PTPRT: variants seen among roughly 807,000 people sequenced by gnomAD.
PTPRT encodes protein tyrosine phosphatase receptor type T, also known as receptor-type tyrosine-protein phosphatase T.
PTPRT carries 56 observed loss-of-function variants against 176.8 expected under a neutral mutation model. That is an observed-to-expected ratio of 0.32 (90% confidence interval 0.26 to 0.40). PTPRT has a LOEUF of 0.40. PTPRT is among the 10% of genes least tolerant of loss of function. PTPRT has a pLI of 1.00. For synonymous variants in PTPRT, 783 were observed against 739.0 expected (o/e 1.06, Z -0.96); for missense variants, 1,540 against 1,908.2 (o/e 0.81, Z 3.60).
intron 15 of PTPRT, among the ~76,000 whole-genome samples, chr20:42,210,994 T>C (rs2055610861): frequency 2.0e-5 from 3 of 152,080 alleles, no homozygotes; most frequent in African/African-American, 7.2e-5. Context: ...TAACGCCGCA[T>C]ATCTACAACT....
intron 1 of PTPRT, among the ~76,000 whole-genome samples, chr20:42,985,683 C>G (rs1390212888): frequency 1.3e-5 from 2 of 152,008 alleles, no homozygotes; most frequent in Non-Finnish European, 2.9e-5. Context: ...GTGGTAAATA[C>G]TACAGAGAAG....
At chr20:42,596,360 A>G (rs1216046689) in intron 7 of PTPRT, among the ~76,000 whole-genome samples, 1 of 152,224 alleles carries the variant, frequency 6.6e-6, no homozygotes, top group Non-Finnish European at 1.5e-5. Context: ...TAACGTATTA[A>G]TAGTTCAGGT....
intron 7 of PTPRT, among the ~76,000 whole-genome samples, chr20:42,487,978 G>A (rs2071492600): frequency 6.6e-6 from 1 of 152,164 alleles, no homozygotes; most frequent in Admixed American, 6.5e-5. Flanking sequence ...TACTATGCAT[G>A]TATTTTTAAT....
chr20:43,120,995 T>G (rs2013237715), intron 1 of PTPRT, among the ~76,000 whole-genome samples: 1 of 152,196 alleles, frequency 6.6e-6, no homozygotes, highest in South Asian at 2.1e-4. Flanking sequence ...CTCCCTTCAT[T>G]GTTCTTTCCA....
At chr20:42,750,398 T>C (rs2076753780) in intron 6 of PTPRT, among the ~76,000 whole-genome samples, 1 of 152,156 alleles carries the variant, frequency 6.6e-6, no homozygotes, top group Non-Finnish European at 1.5e-5. Context: ...CCTATTTATA[T>C]ATATTCACCT....
chr20:42,477,706 G>A (rs141653459), intron 7 of PTPRT, among the ~76,000 whole-genome samples: 115 of 152,294 alleles, frequency 7.6e-4, no homozygotes, highest in African/African-American at 2.4e-3. Flanking sequence ...AGCCCTGTCC[G>A]TATGACCTTC....
rs1325721953 is a variant in PTPRT, at chr20:42,328,686, A to G, written c.1866-12690T>C. On this transcript the variant is annotated intron_variant, in intron 11 of 30. Coordinates refer to ENST00000373187, the MANE Select transcript of PTPRT (RefSeq NM_007050.6). ...TCAAAATACCTATTTCAAATCTACA[A>G]CTAACATTATACGTAAGAGAAATTT... Among the ~76,000 whole-genome samples the G allele has an allele frequency of 3.9e-5, 6 of 152,174 alleles. No homozygotes were observed. The South Asian group carries it at 6.2e-4, about 16-fold the overall frequency.
intron 1 of PTPRT, among the ~76,000 whole-genome samples, chr20:42,917,718 C>T (rs978290250): frequency 6.6e-6 from 1 of 152,166 alleles, no homozygotes; most frequent in Non-Finnish European, 1.5e-5. Flanking sequence ...AGAGATGAGA[C>T]AGCTACTACT....
chr20:42,786,613 C>G (rs1283884965), intron 3 of PTPRT, among the ~76,000 whole-genome samples: 1 of 152,114 alleles, frequency 6.6e-6, no homozygotes, highest in Non-Finnish European at 1.5e-5. Context: ...ATGTCCTTTC[C>G]CCCCATGCCT....
Position 42,885,898 on chromosome 20 carries a change from A to G in PTPRT, c.123T>C (p.Cys41=). The G allele has an allele frequency of 6.2e-7, 1 of 1,610,646 alleles. No homozygotes were observed. The highest frequency in any genetic ancestry group is 1.3e-5 in the African/African-American group (1 of 74,908). ...TGGTCCCTAGAGCCACACTATAACC[A>G]CAGTTGCTGTAGTGCTCATCAAAGG... is the stretch of plus-strand genomic sequence containing the variant. ...GCSFDEHYSN[C]GYSVALGTNG... Residue 41 remains cysteine, a synonymous_variant, in exon 2 of 31, where the codon TGT becomes TGC. Coordinates refer to ENST00000373187, the MANE Select transcript of PTPRT (RefSeq NM_007050.6).
chr20:42,158,278 G>A (rs1366135167), intron 17 of PTPRT, among the ~76,000 whole-genome samples: 1 of 152,168 alleles, frequency 6.6e-6, no homozygotes, highest in African/African-American at 2.4e-5. Flanking sequence ...AGAAGGGCAA[G>A]AATCTTTGTT....
intron 1 of PTPRT, among the ~76,000 whole-genome samples, chr20:42,956,249 C>T (rs774309050): frequency 5.2e-4 from 79 of 152,218 alleles, no homozygotes; most frequent in Non-Finnish European, 8.1e-4. Context: ...TCCCCACTGC[C>T]GGAGGTGGGA....
intron 15 of PTPRT, among the ~76,000 whole-genome samples, chr20:42,210,297 G>T (rs1443934177): frequency 6.6e-6 from 1 of 152,150 alleles, no homozygotes; most frequent in Non-Finnish European, 1.5e-5. Flanking sequence ...GTTCTGGCCA[G>T]GGCAATGAGG....
intron 9 of PTPRT, among the ~76,000 whole-genome samples, chr20:42,445,562 A>T (rs962721365): frequency 6.6e-6 from 1 of 152,188 alleles, no homozygotes; most frequent in Non-Finnish European, 1.5e-5. Context: ...CAATGGCCTA[A>T]ATCTACAACC....
chr20:42,578,914 G>A (rs1451154057), intron 7 of PTPRT, among the ~76,000 whole-genome samples: 1 of 147,206 alleles, frequency 6.8e-6, no homozygotes, highest in Non-Finnish European at 1.5e-5. Flanking sequence ...GGGGGGGGTC[G>A]GTTTTTATTA....
At chr20:42,173,280 T>A (rs1042403089) in intron 16 of PTPRT, among the ~76,000 whole-genome samples, 2 of 152,178 alleles carry the variant, frequency 1.3e-5, no homozygotes, top group African/African-American at 4.8e-5. Flanking sequence ...GATTCTTCTA[T>A]GTGTCTGGAG....
In PTPRT at chr20:42,934,094, G is replaced by A. The variant is rs151090759; in HGVS notation, c.89-48162C>T. 5.2e-3 allele frequency among the ~76,000 whole-genome samples: 789 copies of A among 152,280 alleles called. 9 individuals carry two copies. The highest frequency in any genetic ancestry group is 0.018 in the African/African-American group (741 of 41,552). On this transcript the variant is annotated intron_variant, in intron 1 of 30. Coordinates refer to ENST00000373187, the MANE Select transcript of PTPRT (RefSeq NM_007050.6). ...ACGTTGGAATTATCGAACAAGCATC[G>A]CTTATGACTTTGCCTTGGGCAGTGT...
In PTPRT at chr20:42,267,082, C is replaced by T. The variant is rs534896308; in HGVS notation, c.2176+15407G>A. ...GATAGGTGGGCTTAAGATTCTTTGACTTTACAATGCTGCTGAGAAAGTAAT... is the reference window on the plus strand; with the variant it reads ...GATAGGTGGGCTTAAGATTCTTTGATTTTACAATGCTGCTGAGAAAGTAAT... On this transcript the variant is annotated intron_variant, in intron 13 of 30. Transcript: ENST00000373187. Among the ~76,000 whole-genome samples the T allele has an allele frequency of 7.9e-5, 12 of 152,284 alleles. No individual in the cohort carries two copies. The South Asian group carries it at 2.5e-3, about 32-fold the overall frequency.
At chr20:42,101,917 T>C (rs1373891892) in intron 26 of PTPRT, among the ~76,000 whole-genome samples, 2 of 152,072 alleles carry the variant, frequency 1.3e-5, no homozygotes, top group Non-Finnish European at 2.9e-5. Context: ...TCCAGGCTCT[T>C]TGTATGAGAA....
Sources: allele counts gnomAD v4.1 joint callset (sites outside exome capture counted in the v4.1 genomes callset), GRCh38; gene constraint gnomAD v4.1.1; transcripts MANE v1.5; gene names NCBI Gene and HGNC (gene_info 2026-07-23, HGNC 2026-07-21).